CELF2: variants seen among roughly 807,000 people sequenced by gnomAD.
The protein encoded by CELF2 is CUG triplet repeat RNA-binding protein 2.
A neutral mutation model predicts 62.6 loss-of-function variants in CELF2; 8 were observed. The observed-to-expected ratio is 0.13, with a 90% CI of 0.07 to 0.23. CELF2 has a LOEUF of 0.23. CELF2 is among the 10% of genes least tolerant of loss of function. CELF2 has a pLI of 1.00. For missense variants in CELF2, 333 were observed against 671.0 expected, an observed-to-expected ratio of 0.50 and a Z score of 5.56; for synonymous variants, 258 against 250.0, an observed-to-expected ratio of 1.03 and a Z score of -0.30.
chr10:10,872,836 A>G (rs968211316), intron 1 of CELF2, among the ~76,000 whole-genome samples: 2 of 152,164 alleles, frequency 1.3e-5, no homozygotes, highest in Admixed American at 6.5e-5. Flanking sequence ...TTATGGAGCA[A>G]TGTTTTGTGC....
chr10:10,563,602 T>G, the CELF2 span, among the ~76,000 whole-genome samples: 1 of 119,514 alleles, frequency 8.4e-6, no homozygotes, highest in Admixed American at 8.4e-5. Flanking sequence ...AGGGAGACTG[T>G]GTCTCAAAAA....
chr10:11,216,983 G>A (rs565106292), intron 2 of CELF2, among the ~76,000 whole-genome samples: 41 of 152,376 alleles, frequency 2.7e-4, no homozygotes, highest in African/African-American at 9.6e-4. Context: ...TAATCCAGTT[G>A]TCTGAAGCTT....
At chr10:11,134,274 C>A (rs2060062818) in intron 1 of CELF2, among the ~76,000 whole-genome samples, 1 of 152,118 alleles carries the variant, frequency 6.6e-6, no homozygotes, top group Non-Finnish European at 1.5e-5. Context: ...TTGGCCTCTC[C>A]CCGTGTTTTG....
At chr10:10,707,802 AGGTTT>A in the CELF2 span, among the ~76,000 whole-genome samples, 1 of 152,194 alleles carries the variant, frequency 6.6e-6, no homozygotes, top group Non-Finnish European at 1.5e-5. Context: ...GATTTTAATA[AGGTTT>A]GGATTATTCG....
At chr10:11,030,070 T>C (rs1378008285) in intron 1 of CELF2, among the ~76,000 whole-genome samples, 1 of 152,238 alleles carries the variant, frequency 6.6e-6, no homozygotes, top group Non-Finnish European at 1.5e-5. Flanking sequence ...GAAAACATTT[T>C]CCAGTGTCAA....
At chr10:10,531,598 A>T in the CELF2 span, among the ~76,000 whole-genome samples, 1 of 152,072 alleles carries the variant, frequency 6.6e-6, no homozygotes, top group African/African-American at 2.4e-5. Flanking sequence ...GAGCCGCTCT[A>T]CCCAGGTCAT....
chr10:10,989,236 T>A (rs1382577551), intron 2 of CELF2, among the ~76,000 whole-genome samples: 1 of 152,156 alleles, frequency 6.6e-6, no homozygotes, highest in African/African-American at 2.4e-5. Flanking sequence ...TCAGTAGAAT[T>A]TTTTGAATTG....
Position 11,075,357 on chromosome 10 carries a change from G to A in CELF2, c.74+57194G>A, listed in dbSNP as rs977911137. 8 of 152,010 alleles carry A rather than the reference G, an allele frequency of 5.3e-5. No individual in the cohort carries two copies. The highest frequency in any genetic ancestry group is 1.5e-4 in the African/African-American group (6 of 41,364). The allele number at this position is 152,010 out of a possible 1,614,324, so 9.4% of individuals were successfully genotyped here. On this transcript the variant is annotated intron_variant, in intron 1 of 12. Transcript: ENST00000633077. The surrounding 1 kb of genome is among the most constrained non-coding windows in gnomAD (Gnocchi z 5.4). Reference sequence around the variant, plus strand: ...TCTTCTAAAACAGAAAAAAAGAAAAGGTTAATGTGAGAACTGCCCAGTAAA... The same window carrying A: ...TCTTCTAAAACAGAAAAAAAGAAAAAGTTAATGTGAGAACTGCCCAGTAAA...
intron 2 of CELF2, among the ~76,000 whole-genome samples, chr10:10,963,223 T>C (rs1414680677): frequency 6.6e-6 from 1 of 152,032 alleles, no homozygotes; most frequent in Non-Finnish European, 1.5e-5. Context: ...TCAGCTAATT[T>C]TTGTATTTTT....
At chr10:10,656,783 A>G in the CELF2 span, among the ~76,000 whole-genome samples, 2 of 143,240 alleles carry the variant, frequency 1.4e-5, no homozygotes, top group Admixed American at 7.0e-5. Context: ...ATGACGAGTT[A>G]GTGGGTGCAG....
At chr10:10,960,767 G>A (rs1253149659) in intron 2 of CELF2, among the ~76,000 whole-genome samples, 12 of 152,210 alleles carry the variant, frequency 7.9e-5, no homozygotes, top group Non-Finnish European at 1.3e-4. Flanking sequence ...GGCAGAGTTA[G>A]GTGATTCTAA....
chr10:11,249,331 C>G, intron 4 of CELF2, 130 bp downstream of exon 4: 1 of 711,472 alleles, frequency 1.4e-6, no homozygotes, highest in South Asian at 1.6e-5. Context: ...CTCCTGGAAT[C>G]TTCTCTGTGG....
chr10:10,796,062 T>C (rs1190750836), upstream of CELF2, among the ~76,000 whole-genome samples: 1 of 152,122 alleles, frequency 6.6e-6, no homozygotes, highest in East Asian at 1.9e-4. Flanking sequence ...TTTCCGTTTA[T>C]GGAAATGACT....
At chr10:10,754,960 G>T in the CELF2 span, among the ~76,000 whole-genome samples, 2 of 152,186 alleles carry the variant, frequency 1.3e-5, no homozygotes, top group African/African-American at 4.8e-5. Context: ...TAGATGTTCT[G>T]TTTCCCTCAA....
the CELF2 span, among the ~76,000 whole-genome samples, chr10:10,752,802 T>TAA: frequency 0.068 from 7,934 of 116,452 alleles, 423 homozygotes; most frequent in South Asian, 0.15. Flanking sequence ...ATACCGGTAG[T>TAA]AAAAAAAAAA....
chr10:11,017,237 G>C (rs2057373929), upstream of CELF2, among the ~76,000 whole-genome samples: 1 of 152,116 alleles, frequency 6.6e-6, no homozygotes, highest in Non-Finnish European at 1.5e-5. This position sits in a 1 kb window ranked among gnomAD's most constrained non-coding sequence, Gnocchi z 5.5. Flanking sequence ...TCACTCAGCT[G>C]GTTTCTAATT....
In CELF2 at chr10:11,268,644, C is replaced by T. The variant is rs2082837138; in HGVS notation, c.618+1967C>T. 6.6e-6 allele frequency among the ~76,000 whole-genome samples: 1 copy of T among 151,986 alleles called. No individual in the cohort carries two copies. Among genetic ancestry groups the T allele is most frequent in the Admixed American group, 6.6e-5 (1 of 15,264 alleles). ...TGAAAACCAAATTTGGTGTTTAAAA[C>T]TGGACATTCATGCTTACACAGAGGG... On this transcript the variant is annotated intron_variant, in intron 6 of 12. Coordinates refer to ENST00000633077, the MANE Select transcript of CELF2 (RefSeq NM_001326342.2). This position sits in a 1 kb window ranked among gnomAD's most constrained non-coding sequence, Gnocchi z 4.7.
rs904085725 is a variant in CELF2, at chr10:11,290,383, C to T, written c.976+1831C>T. Among the ~76,000 whole-genome samples the T allele has an allele frequency of 1.3e-5, 2 of 152,056 alleles. No homozygotes were observed. Among genetic ancestry groups the T allele is most frequent in the South Asian group, 2.1e-4 (1 of 4,826 alleles). On this transcript the variant is annotated intron_variant, in intron 9 of 12. Transcript: ENST00000633077. This position sits in a 1 kb window ranked among gnomAD's most constrained non-coding sequence, Gnocchi z 4.3. ...GACAGAGCCAGTGGGTGGGGGAGAGCGGAGTGGGGGCTCTGTGGTGGACCG... is the reference window on the plus strand; with the variant it reads ...GACAGAGCCAGTGGGTGGGGGAGAGTGGAGTGGGGGCTCTGTGGTGGACCG...
chr10:11,232,268 G>A (rs1485331738), intron 3 of CELF2, among the ~76,000 whole-genome samples: 1 of 151,714 alleles, frequency 6.6e-6, no homozygotes, highest in Non-Finnish European at 1.5e-5. Flanking sequence ...CATTTCTGTT[G>A]TTTCAGTATC....
Sources: allele counts gnomAD v4.1 joint callset (sites outside exome capture counted in the v4.1 genomes callset), GRCh38; gene constraint gnomAD v4.1.1; non-coding constraint Gnocchi (gnomAD v3.1); transcripts MANE v1.5; gene names NCBI Gene and HGNC (gene_info 2026-07-23, HGNC 2026-07-21).